Variants in ZNF429 observed in about 807,000 individuals in gnomAD.
ZNF429 encodes the protein zinc finger protein 429.
ZNF429 carries 53 observed loss-of-function variants against 56.8 expected under a neutral mutation model. That is an observed-to-expected ratio of 0.93 (90% CI 0.75 to 1.17). The LOEUF (loss-of-function observed/expected upper bound fraction) is 1.17, where lower values mean the gene tolerates loss of function less well. Among genes scored for constraint, ZNF429 ranks in the 50% most tolerant of loss-of-function variants. The pLI is 0.00. For missense variants in ZNF429, 849 were observed against 788.4 expected, an observed-to-expected ratio of 1.08 and a Z score of -0.92; for synonymous variants, 278 against 264.7, an observed-to-expected ratio of 1.05 and a Z score of -0.49.
At chr19:21,512,041 CG>C (rs1370832247) in intron 1 of ZNF429, among the ~76,000 whole-genome samples, 2 of 152,136 alleles carry the variant, frequency 1.3e-5, no homozygotes, top group Non-Finnish European at 2.9e-5. Flanking sequence ...AGTCCAGCTT[CG>C]GCTCAGCATC....
Position 21,536,851 on chromosome 19 carries a change from T to C in ZNF429, c.798T>C (p.Phe266=), listed in dbSNP as rs527990529. ...PYKCKECGKA[F]SRYSTLTTHK... is the part of the protein sequence containing the mutation. ...AATGTAAAGAATGTGGCAAAGCCTT[T>C]AGCAGGTACTCAACCCTTACTACCC... The change falls in exon 4 of 4, where the codon TTT becomes TTC. Residue 266 remains phenylalanine, a synonymous_variant. Coordinates refer to ENST00000358491, the MANE Select transcript of ZNF429 (RefSeq NM_001001415.4). 1 of 1,613,864 alleles carries C rather than the reference T, an allele frequency of 6.2e-7. No individual in the cohort carries two copies. Among genetic ancestry groups the C allele is most frequent in the South Asian group, 1.1e-5 (1 of 91,046 alleles).
In ZNF429 at chr19:21,536,695, A is replaced by G. The variant is rs1419248433; in HGVS notation, c.642A>G (p.Ser214=). ...TTGGCAATGCCTTTAATCAGTCCTCAGCCCTTACTAACCATAAGAGAATTT... is the reference window on the plus strand; with the variant it reads ...TTGGCAATGCCTTTAATCAGTCCTCGGCCCTTACTAACCATAAGAGAATTT... ...KEFGNAFNQS[S]ALTNHKRIYV... Residue 214 remains serine, a synonymous_variant, in exon 4 of 4, where the codon TCA becomes TCG. Coordinates refer to ENST00000358491, the MANE Select transcript of ZNF429 (RefSeq NM_001001415.4). 6.2e-7 allele frequency: 1 copy of G among 1,613,986 alleles called. No individual in the cohort carries two copies. Among genetic ancestry groups the G allele is most frequent in the Non-Finnish European group, 8.5e-7 (1 of 1,179,992 alleles).
chr19:21,512,662 CAAAAA>C (rs35584125), intron 1 of ZNF429, among the ~76,000 whole-genome samples: 3 of 81,372 alleles, frequency 3.7e-5, no homozygotes, highest in African/African-American at 9.8e-5. Flanking sequence ...GACTCCATCT[CAAAAA>C]AAAAAAAAAA....
At chr19:21,524,514 C>T (rs147755769) in intron 1 of ZNF429, among the ~76,000 whole-genome samples, 10 of 150,658 alleles carry the variant, frequency 6.6e-5, no homozygotes, top group East Asian at 3.9e-4. Context: ...GGTGACAGAG[C>T]GAGACTCCAT....
intron 3 of ZNF429, among the ~76,000 whole-genome samples, chr19:21,531,106 C>CAAAA: frequency 2.0e-3 from 35 of 17,418 alleles, no homozygotes; most frequent in Non-Finnish European, 2.7e-3. Context: ...AACTCCATCT[C>CAAAA]AAAAAAAAAA....
In ZNF429 at chr19:21,535,342, TCCTTTC is replaced by T; in HGVS notation, c.227-936_227-931del. Among the ~76,000 whole-genome samples the T allele has an allele frequency of 4.4e-3, 473 of 107,640 alleles. 30 individuals are homozygous for T. Among genetic ancestry groups the T allele is most frequent in the Non-Finnish European group, 5.0e-3 (234 of 46,810 alleles). The allele number at this position is 107,640 out of a possible 152,430, so 70.6% of individuals were successfully genotyped here. ...TTCTTTCTTTCTCTTTTCTTTTCTT[TCCTTTC>T]CTTTCTTTTCTTCTTTCTTTCTTTC... On this transcript the variant is annotated intron_variant, in intron 3 of 3. Transcript: ENST00000358491.
rs1474597516 is a variant in ZNF429 at position 21,536,914 on chromosome 19, T to C, written c.861T>C (p.Cys287=). The C allele has an allele frequency of 2.5e-6, 4 of 1,612,250 alleles. No individual in the cohort carries two copies. The highest frequency in any genetic ancestry group is 3.4e-6 in the Non-Finnish European group (4 of 1,179,166). ...ATTCTGGAGAGAAGCCCTACAAATG[T>C]GATGAATGTGGCAAAACCTTTAGCA... The part of the protein sequence containing the change: ...RIHSGEKPYK[C]DECGKTFSIS... Residue 287 remains cysteine, a synonymous_variant, in exon 4 of 4, where the codon TGT becomes TGC. Transcript: ENST00000358491.
Position 21,530,589 on chromosome 19 carries a change from G to A in ZNF429, c.131G>A (p.Gly44Asp), listed in dbSNP as rs1384862487. 26 of 1,593,062 alleles carry A rather than the reference G, an allele frequency of 1.6e-5. 1 individual carries two copies. The East Asian group carries it at 3.4e-4, about 21-fold the overall frequency. Reference protein sequence around the residue: ...LENYRNLVFLGIAVSKPDLIT... With the variant: ...LENYRNLVFLDIAVSKPDLIT... ...ATCTTCTTTATTTTTAATAAAACAGGTATTGCTGTTTCTAAGCCAGACCTA... is the reference window on the plus strand; with the variant it reads ...ATCTTCTTTATTTTTAATAAAACAGATATTGCTGTTTCTAAGCCAGACCTA... The change falls in exon 3 of 4, where the codon GGT (glycine) becomes GAT (aspartate). Residue 44 changes from glycine (G) to aspartate (D), a missense_variant and splice_region_variant. Physicochemically the swap from Gly to Asp is moderately conservative, Grantham distance 94. Coordinates refer to ENST00000358491, the MANE Select transcript of ZNF429 (RefSeq NM_001001415.4).
chr19:21,505,797 C>A lies in ZNF429; in HGVS notation c.3+23C>A, dbSNP rs778977141. ...ATGGTGAGAGTGCCGAGTCTGACAT[C>A]CCCAGAGAGGGGGAGGGGCTGGTCG... On this transcript the variant is annotated intron_variant, in intron 1 of 3. Coordinates refer to ENST00000358491, the MANE Select transcript of ZNF429 (RefSeq NM_001001415.4). 4 of 1,611,342 alleles carry A rather than the reference C, an allele frequency of 2.5e-6. No homozygotes were observed. The Admixed American group carries it at 6.7e-5, about 27-fold the overall frequency.
chr19:21,537,974 A>G lies in ZNF429; in HGVS notation c.1921A>G (p.Lys641Glu). The change falls in exon 4 of 4, where the codon AAA (lysine) becomes GAA (glutamate). Residue 641 changes from lysine to glutamate, a missense_variant. Physicochemically the swap from Lys to Glu is moderately conservative, Grantham distance 56 (BLOSUM62 1). Coordinates refer to ENST00000358491, the MANE Select transcript of ZNF429 (RefSeq NM_001001415.4). ...TRSSRLTQHK[K>E]IHRMGVVAHA... ...GTCTTCAAGACTTACTCAACATAAG[A>G]AAATTCATAGGATGGGTGTGGTGGC... The G allele has an allele frequency of 1.2e-6, 2 of 1,614,096 alleles. No individual in the cohort carries two copies. The highest frequency in any genetic ancestry group is 1.3e-5 in the African/African-American group (1 of 75,014).
intron 1 of ZNF429, among the ~76,000 whole-genome samples, chr19:21,516,839 TG>T (rs2032764491): frequency 6.6e-6 from 1 of 152,244 alleles, no homozygotes; most frequent in Non-Finnish European, 1.5e-5. Context: ...AAAGAGCTTT[TG>T]CACCAAGACT....
At chr19:21,505,888 G>T (rs1443476433) in intron 1 of ZNF429, 114 bp downstream of exon 1, 2 of 1,197,644 alleles carry the variant, frequency 1.7e-6, no homozygotes, top group Admixed American at 1.8e-5. Flanking sequence ...TCTGCGCCCG[G>T]AATTCTCCTT....
chr19:21,531,706 A>G, intron 3 of ZNF429, among the ~76,000 whole-genome samples: 29,786 of 151,710 alleles, frequency 0.2, 3,006 homozygotes, highest in African/African-American at 0.22. Context: ...TTGGGAGACT[A>G]AGGCAGGGAG....
At chr19:21,530,381 G>T in intron 2 of ZNF429, among the ~76,000 whole-genome samples, 6 of 151,896 alleles carry the variant, frequency 4.0e-5, no homozygotes, top group Non-Finnish European at 7.4e-5. Context: ...TGTCACAATC[G>T]ATTTTTTATT....
At chr19:21,520,010 C>A (rs2032931852) in intron 1 of ZNF429, among the ~76,000 whole-genome samples, 2 of 152,002 alleles carry the variant, frequency 1.3e-5, no homozygotes, top group South Asian at 4.1e-4. Context: ...CACCTGCCAC[C>A]ATGTTTGGCT....
intron 1 of ZNF429, among the ~76,000 whole-genome samples, chr19:21,506,767 G>GTTTTTTTTTTT (rs60650857): frequency 7.2e-5 from 8 of 111,774 alleles, no homozygotes; most frequent in East Asian, 2.6e-4. Flanking sequence ...TTAGTTTTTT[G>GTTTTTTTTTTT]TTTTTTTTTT....
At chr19:21,524,511 G>A (rs564755664) in intron 1 of ZNF429, among the ~76,000 whole-genome samples, 1 of 151,682 alleles carries the variant, frequency 6.6e-6, no homozygotes, top group African/African-American at 2.4e-5. Context: ...CTGGGTGACA[G>A]AGCGAGACTC....
At chr19:21,521,419 A>C (rs913102713) in intron 1 of ZNF429, 3 of 152,234 alleles carry the variant, frequency 2.0e-5, no homozygotes, top group Admixed American at 6.5e-5. Flanking sequence ...ATAAAAGAGC[A>C]ACAGACATGA....
intron 3 of ZNF429, among the ~76,000 whole-genome samples, chr19:21,535,744 G>C: frequency 1.3e-5 from 2 of 148,886 alleles, no homozygotes; most frequent in African/African-American, 5.2e-5. Flanking sequence ...TCGAACTCCT[G>C]ACTTTATGAT....
Sources: gnomAD v4.1 joint callset for allele counts (sites outside exome capture counted in the v4.1 genomes callset) on GRCh38, gnomAD v4.1.1 for gene constraint, MANE v1.5 for transcripts, NCBI Gene and HGNC (gene_info 2026-07-23, HGNC 2026-07-21) for gene names.